Variants in STK24 observed in about 807,000 individuals in gnomAD.
STK24 encodes the protein serine/threonine kinase 24.
In STK24, 21 loss-of-function variants were observed where a neutral mutation model predicts 55.6. The ratio of observed to expected loss-of-function variants is 0.38; its 90% confidence interval spans 0.27 to 0.54. The LOEUF is 0.54. Ranked by LOEUF, STK24 falls within the 20% of genes least tolerant of loss-of-function variation. The pLI is 0.79. For synonymous variants in STK24, 200 were observed against 215.2 expected (o/e 0.93, Z 0.62); for missense variants, 383 against 538.4 (o/e 0.71, Z 2.86).
Position 98,535,398 on chromosome 13 carries a change from TACACACACACACACAC to T in STK24, c.43-15941_43-15926del, listed in dbSNP as rs56768700. Among the ~76,000 whole-genome samples the T allele has an allele frequency of 1.1e-3, 160 of 142,780 alleles. 1 individual carries two copies. The highest frequency in any genetic ancestry group is 3.5e-3 in the African/African-American group (132 of 37,490). 93.7% of individuals were successfully genotyped at this position (142,780 alleles called of 152,430 possible). On this transcript the variant is annotated intron_variant, in intron 1 of 10. Transcript: ENST00000539966. ...ATATATATATATATATATGTGTGTA[TACACACACACACACAC>T]ACACACACACACACACACACACGCA...
In STK24 at chr13:98,448,309, G is replaced by A; in HGVS notation, c.*4864C>T. Reference sequence around the variant, plus strand: ...CGTGTTGAGTCACAAAGAGTCTCTTGTGTATTGATGGCCGGACACACTCGT... The same window carrying A: ...CGTGTTGAGTCACAAAGAGTCTCTTATGTATTGATGGCCGGACACACTCGT... On this transcript the variant is annotated 3_prime_UTR_variant, in exon 11 of 11. Transcript: ENST00000539966. 1 of 1,612,828 alleles carries A rather than the reference G, an allele frequency of 6.2e-7. No individual in the cohort carries two copies. Among genetic ancestry groups the A allele is most frequent in the Non-Finnish European group, 8.5e-7 (1 of 1,178,752 alleles).
At chr13:98,457,068 G>GA in intron 10 of STK24, 100 bp downstream of exon 10, 2 of 1,423,670 alleles carry the variant, frequency 1.4e-6, no homozygotes, top group Non-Finnish European at 1.9e-6. Flanking sequence ...AAGATAACAG[G>GA]AACAGACAGG....
In STK24 at chr13:98,447,086, GGAT is replaced by G; in HGVS notation, c.*6084_*6086del. The G allele has an allele frequency of 2.5e-6, 1 of 400,462 alleles. No individual in the cohort carries two copies. Among genetic ancestry groups the G allele is most frequent in the Non-Finnish European group, 4.6e-6 (1 of 216,626 alleles). The allele number at this position is 400,462 out of a possible 1,614,324, so 24.8% of individuals were successfully genotyped here. A position where few individuals can be genotyped will look rare whatever the true frequency, so the allele number is the denominator to read the frequency against. On this transcript the variant is annotated 3_prime_UTR_variant, in exon 11 of 11. Coordinates refer to ENST00000539966, the MANE Select transcript of STK24 (RefSeq NM_001032296.4). The stretch of plus-strand genomic sequence containing the variant: ...GGAGATCTCTGACATAACGTGTCCG[GGAT>G]GATGAAGCTAAGCCCCAGTGAGACT...
chr13:98,532,434 CCATCCCACACA>C (rs1239941864), intron 1 of STK24, among the ~76,000 whole-genome samples: 1 of 151,464 alleles, frequency 6.6e-6, no homozygotes, highest in South Asian at 2.1e-4. Flanking sequence ...CACCACACAC[CCATCCCACACA>C]CATCCCATCC....
intron 7 of STK24, 72 bp from the exon 8 acceptor site, chr13:98,461,969 G>T (rs1489577591): frequency 2.6e-5 from 42 of 1,586,690 alleles, no homozygotes; most frequent in Middle Eastern, 4.0e-4. Flanking sequence ...ACGTTCAGGG[G>T]GAGGCCGCCT....
intron 1 of STK24, among the ~76,000 whole-genome samples, chr13:98,546,959 T>C (rs1211207808): frequency 1.3e-5 from 2 of 152,300 alleles, no homozygotes; most frequent in East Asian, 3.9e-4. Flanking sequence ...TTGCCCAGGA[T>C]GGAGTGCAAT....
chr13:98,555,036 A>AAAGGGGG (rs887496821), intron 1 of STK24, among the ~76,000 whole-genome samples: 2 of 149,014 alleles, frequency 1.3e-5, no homozygotes, highest in African/African-American at 4.9e-5. Flanking sequence ...AAAAAAAAAG[A>AAAGGGGG]AAGAAAAAAT....
intron 5 of STK24, among the ~76,000 whole-genome samples, chr13:98,469,701 T>C (rs1894070968): frequency 6.6e-6 from 1 of 152,020 alleles, no homozygotes; most frequent in Non-Finnish European, 1.5e-5. Context: ...CTGCGTCCCC[T>C]CTACCCCTCC....
chr13:98,463,676 C>A lies in STK24; in HGVS notation c.929+15G>T, dbSNP rs1566347411. On this transcript the variant is annotated intron_variant, in intron 7 of 10. Transcript: ENST00000539966. ...CTCCCACACACATGCTTGGGTCACTCAGGGGCCGACTTACGCGTCGGAATC... is the reference window on the plus strand; with the variant it reads ...CTCCCACACACATGCTTGGGTCACTAAGGGGCCGACTTACGCGTCGGAATC... 5 of 1,611,836 alleles carry A rather than the reference C, an allele frequency of 3.1e-6. No homozygotes were observed. Among genetic ancestry groups the A allele is most frequent in the Non-Finnish European group, 8.5e-7 (1 of 1,178,628 alleles).
chr13:98,535,850 C>A (rs1291893188), intron 1 of STK24, among the ~76,000 whole-genome samples: 1 of 152,238 alleles, frequency 6.6e-6, no homozygotes, highest in Non-Finnish European at 1.5e-5. Flanking sequence ...ATCCTGTCAT[C>A]ACACTAGAAT....
chr13:98,482,400 T>C, intron 2 of STK24, 79 bp from the exon 3 acceptor site: 1 of 783,738 alleles, frequency 1.3e-6, no homozygotes, highest in Non-Finnish European at 2.1e-6. Flanking sequence ...AGGGTATTTT[T>C]CACAATTATA....
chr13:98,453,189 C>A lies in STK24; in HGVS notation c.1280G>T (p.Gly427Val). 2 of 1,613,548 alleles carry A rather than the reference C, an allele frequency of 1.2e-6. No individual in the cohort carries two copies. Among genetic ancestry groups the A allele is most frequent in the Admixed American group, 3.3e-5 (2 of 59,900 alleles). ...AAAGGAATTTCAGTGGGATGAAGTTCCTCCACCACTTAGAGAGTATCTAGG... is the reference window on the plus strand; with the variant it reads ...AAAGGAATTTCAGTGGGATGAAGTTACTCCACCACTTAGAGAGTATCTAGG... ...RLQRYSLSGG[G>V]TSSH Residue 427 changes from glycine (G) to valine (V), a missense_variant, in exon 11 of 11, where the codon GGA becomes GTA. Transcript: ENST00000539966.
At chr13:98,470,815 T>C (rs1002843135) in intron 5 of STK24, among the ~76,000 whole-genome samples, 4 of 152,224 alleles carry the variant, frequency 2.6e-5, no homozygotes, top group African/African-American at 9.6e-5. Flanking sequence ...ATTTTAATTA[T>C]ATAGAGAAAA....
chr13:98,562,580 T>C (rs1023757070), intron 1 of STK24, among the ~76,000 whole-genome samples: 8 of 152,194 alleles, frequency 5.3e-5, no homozygotes, highest in Non-Finnish European at 7.3e-5. Flanking sequence ...AAATCATCTA[T>C]GCAACAGGCC....
Position 98,446,775 on chromosome 13 carries a change from A to C in STK24, c.*6398T>G. ...GTGTTCAAGCTGCACTTCAAGTCCC[A>C]CGTCTACTACTTCAGGGCGGAAAGC... is the stretch of plus-strand genomic sequence containing the variant. On this transcript the variant is annotated 3_prime_UTR_variant, in exon 11 of 11. Coordinates refer to ENST00000539966, the MANE Select transcript of STK24 (RefSeq NM_001032296.4). 2 of 1,614,144 alleles carry C rather than the reference A, an allele frequency of 1.2e-6. No individual in the cohort carries two copies.
At chr13:98,536,152 GAAA>G (rs201230289) in intron 1 of STK24, among the ~76,000 whole-genome samples, 76 of 152,196 alleles carry the variant, frequency 5.0e-4, no homozygotes, top group Middle Eastern at 3.4e-3. Flanking sequence ...CCACCGGGGG[GAAA>G]AATGTCACTG....
At chr13:98,546,749 T>C (rs146060422) in intron 1 of STK24, among the ~76,000 whole-genome samples, 1 of 152,158 alleles carries the variant, frequency 6.6e-6, no homozygotes, top group African/African-American at 2.4e-5. Context: ...AGCAACAGGC[T>C]CAGGAAGAGC....
At chr13:98,511,541 A>T (rs1490430004) in intron 2 of STK24, among the ~76,000 whole-genome samples, 4 of 152,256 alleles carry the variant, frequency 2.6e-5, no homozygotes, top group African/African-American at 9.6e-5. Flanking sequence ...CAAATTCTGG[A>T]AACACCCACA....
intron 3 of STK24, among the ~76,000 whole-genome samples, chr13:98,482,062 A>G (rs542085306): frequency 2.0e-5 from 3 of 150,086 alleles, no homozygotes. Context: ...GCAAGACTCT[A>G]TCTCAAAAAA....
Sources: allele counts gnomAD v4.1 joint callset (sites outside exome capture counted in the v4.1 genomes callset), GRCh38; gene constraint gnomAD v4.1.1; transcripts MANE v1.5; gene names NCBI Gene and HGNC (gene_info 2026-07-23, HGNC 2026-07-21).